DPY19L4: variants seen among roughly 807,000 people sequenced by gnomAD.
The protein encoded by DPY19L4 is probable C-mannosyltransferase DPY19L4.
DPY19L4 carries 97 observed loss-of-function variants against 102.8 expected under a neutral mutation model. The observed-to-expected ratio is 0.94, with a 90% CI of 0.80 to 1.12. The LOEUF is 1.12. Among genes scored for constraint, DPY19L4 ranks in the 50% most tolerant of loss-of-function variants. The pLI is 0.00. For missense variants in DPY19L4, 815 were observed against 850.4 expected (o/e 0.96, Z 0.52); for synonymous variants, 252 against 283.1 (o/e 0.89, Z 1.10).
At chr8:94,766,877 C>CT (rs1350670027) in intron 11 of DPY19L4, among the ~76,000 whole-genome samples, 192 bp downstream of exon 11, 4 of 151,494 alleles carry the variant, frequency 2.6e-5, no homozygotes, top group Non-Finnish European at 4.4e-5. Context: ...AACCCCATCT[C>CT]TAAAAAAAAG....
At chr8:94,782,941 C>T (rs1292161328) in intron 16 of DPY19L4, among the ~76,000 whole-genome samples, 4 of 152,196 alleles carry the variant, frequency 2.6e-5, no homozygotes, top group African/African-American at 9.7e-5. Flanking sequence ...ATTTATGTTA[C>T]TGGGTACAAT....
chr8:94,736,324 T>C (rs911195168), intron 3 of DPY19L4, among the ~76,000 whole-genome samples: 7 of 152,154 alleles, frequency 4.6e-5, no homozygotes, highest in African/African-American at 1.7e-4. Context: ...AAACTCAAGA[T>C]GGGGAAAAAT....
chr8:94,789,457 C>T (rs959140074), intron 18 of DPY19L4, among the ~76,000 whole-genome samples: 34 of 151,878 alleles, frequency 2.2e-4, no homozygotes, highest in African/African-American at 8.0e-4. Flanking sequence ...GTCTTCGGAG[C>T]GATGATAATG....
At chr8:94,720,070 G>A (rs1810387613) in intron 1 of DPY19L4, 56 bp downstream of exon 1, 2 of 1,510,656 alleles carry the variant, frequency 1.3e-6, no homozygotes, top group African/African-American at 1.4e-5. Flanking sequence ...GGGAAGGAGG[G>A]GCGGGGGCGC....
At chr8:94,733,229 A>G (rs1434975013) in intron 2 of DPY19L4, among the ~76,000 whole-genome samples, 1 of 136,854 alleles carries the variant, frequency 7.3e-6, no homozygotes, top group Non-Finnish European at 1.5e-5. Flanking sequence ...GGTTCACACC[A>G]TTCTCCTGCC....
rs986661848 is a variant in DPY19L4 at position 94,761,780 on chromosome 8, T to G, written c.816T>G (p.Leu272=). 6.2e-7 allele frequency: 1 copy of G among 1,612,648 alleles called. No individual in the cohort carries two copies. The highest frequency in any genetic ancestry group is 1.3e-5 in the African/African-American group (1 of 75,028). Residue 272 remains leucine, a synonymous_variant, in exon 8 of 19, where the codon CTT becomes CTG. Transcript: ENST00000414645. The stretch of plus-strand genomic sequence containing the variant: ...AGTATAGCCACTATCTCCTGTTTCT[T>G]CAAGCAATATCTCTATTCCTGCTAG... ...MWEYSHYLLF[L]QAISLFLLDT...
chr8:94,736,208 T>G (rs1048107884), intron 3 of DPY19L4, among the ~76,000 whole-genome samples: 2 of 152,128 alleles, frequency 1.3e-5, no homozygotes, highest in African/African-American at 4.8e-5. Context: ...GGAACTGCCC[T>G]CATGACCTAA....
chr8:94,787,966 CT>C lies in DPY19L4; in HGVS notation c.1922del (p.Leu641GlnfsTer3). ...ACTGACATCTTACAAAGCTAATTAC[CT>C]AATTGTAGAGGATGCTATCTGCAAT... is the stretch of plus-strand genomic sequence containing the variant. ...KILTSYKANY[L>X]IVEDAICNEV... On this transcript the variant is annotated frameshift_variant, in exon 18 of 19. Coordinates refer to ENST00000414645, the MANE Select transcript of DPY19L4 (RefSeq NM_181787.3). LOFTEE classifies it high-confidence loss of function. The C allele has an allele frequency of 6.6e-7, 1 of 1,518,546 alleles. No homozygotes were observed. 94.1% of individuals were successfully genotyped at this position (1,518,546 alleles called of 1,614,324 possible). A position where few individuals can be genotyped will look rare whatever the true frequency, so the allele number is the denominator to read the frequency against.
At chr8:94,720,037 C>T (rs1198703339) in intron 1 of DPY19L4, 23 bp downstream of exon 1, 14 of 1,524,384 alleles carry the variant, frequency 9.2e-6, no homozygotes, top group Non-Finnish European at 1.1e-5. Context: ...GGGTCCAGCG[C>T]GCCAACGGCT....
In DPY19L4 at chr8:94,766,609, T is replaced by C. The variant is rs1334839873; in HGVS notation, c.1102-3T>C. 6.2e-7 allele frequency: 1 copy of C among 1,613,540 alleles called. No individual in the cohort carries two copies. The highest frequency in any genetic ancestry group is 8.5e-7 in the Non-Finnish European group (1 of 1,179,816). On this transcript the variant is annotated splice_polypyrimidine_tract_variant and splice_region_variant and intron_variant, in intron 10 of 18. Transcript: ENST00000414645. ...TTGTTTAACTGGTGTTTTTCTCTTC[T>C]AGATGTTTGTCCCACACAAAGAAAA...
chr8:94,777,810 T>C (rs983605846), intron 14 of DPY19L4, 24 bp downstream of exon 14: 1 of 1,593,468 alleles, frequency 6.3e-7, no homozygotes. Flanking sequence ...TTGCATTGTT[T>C]CTCTTCTAAT....
chr8:94,736,693 A>G (rs984294893), intron 3 of DPY19L4, among the ~76,000 whole-genome samples: 20 of 152,348 alleles, frequency 1.3e-4, no homozygotes, highest in Admixed American at 6.5e-4. Flanking sequence ...GCCTGATTGT[A>G]GGAATTTTAA....
chr8:94,763,474 G>A (rs925660192), intron 8 of DPY19L4, among the ~76,000 whole-genome samples: 3 of 150,740 alleles, frequency 2.0e-5, no homozygotes, highest in Middle Eastern at 3.2e-3. Context: ...CTGAGTAGCT[G>A]AGACTACAAG....
chr8:94,721,925 A>T (rs1268991179), intron 1 of DPY19L4, among the ~76,000 whole-genome samples: 5 of 152,108 alleles, frequency 3.3e-5, no homozygotes, highest in Non-Finnish European at 5.9e-5. Flanking sequence ...CCTGGCTAAC[A>T]CAGTGAAACC....
chr8:94,776,611 T>G (rs183201319), intron 13 of DPY19L4, among the ~76,000 whole-genome samples: 299 of 152,000 alleles, frequency 2.0e-3, no homozygotes, highest in African/African-American at 5.9e-3. Flanking sequence ...AGAAGTTTTT[T>G]TTGTTGTTGT....
At chr8:94,759,237 T>G (rs796674999) in intron 7 of DPY19L4, among the ~76,000 whole-genome samples, 1 of 152,154 alleles carries the variant, frequency 6.6e-6, no homozygotes, top group South Asian at 2.1e-4. Context: ...ATGTGTCCTC[T>G]CCCATGTTCC....
At chr8:94,729,359 G>A (rs540478933) in intron 2 of DPY19L4, among the ~76,000 whole-genome samples, 2 of 141,182 alleles carry the variant, frequency 1.4e-5, no homozygotes, top group African/African-American at 2.6e-5. Flanking sequence ...GTGACAGAGT[G>A]AGACTCCGTC....
At chr8:94,728,655 C>G (rs1810798641) in intron 2 of DPY19L4, among the ~76,000 whole-genome samples, 1 of 152,170 alleles carries the variant, frequency 6.6e-6, no homozygotes, top group African/African-American at 2.4e-5. Context: ...TATATCATGA[C>G]AAAACATTTG....
intron 1 of DPY19L4, among the ~76,000 whole-genome samples, chr8:94,724,494 A>G (rs887432382): frequency 2.6e-5 from 4 of 152,236 alleles, no homozygotes; most frequent in African/African-American, 9.6e-5. Flanking sequence ...AGGAAGGAAT[A>G]TAGTAATATT....
Sources: allele counts gnomAD v4.1 joint callset (sites outside exome capture counted in the v4.1 genomes callset), GRCh38; gene constraint gnomAD v4.1.1; transcripts MANE v1.5; gene names NCBI Gene and HGNC (gene_info 2026-07-23, HGNC 2026-07-21).